The following NRXN1 variants were observed in gnomAD, a reference collection of about 807,000 sequenced individuals.
NRXN1 encodes the protein neurexin 1.
A neutral mutation model predicts 150.9 loss-of-function variants in NRXN1; 39 were observed. The ratio of observed to expected loss-of-function variants is 0.26; its 90% CI spans 0.20 to 0.34. NRXN1 has a LOEUF of 0.34. NRXN1 is among the 10% of genes least tolerant of loss of function. The pLI, the probability that NRXN1 is intolerant of heterozygous loss-of-function variation, is 1.00. For missense variants in NRXN1, 1,815 were observed against 1,949.9 expected, an observed-to-expected ratio of 0.93 and a Z score of 1.30; for synonymous variants, 924 against 757.0, an observed-to-expected ratio of 1.22 and a Z score of -3.62.
chr2:50,361,363 T>C (rs2153010147), intron 17 of NRXN1, among the ~76,000 whole-genome samples: 1 of 152,014 alleles, frequency 6.6e-6, no homozygotes, highest in East Asian at 1.9e-4. Flanking sequence ...GATAGACCAC[T>C]AGCCAGACTA....
chr2:50,318,882 G>C (rs1040891500), intron 17 of NRXN1, among the ~76,000 whole-genome samples: 1 of 151,972 alleles, frequency 6.6e-6, no homozygotes, highest in Non-Finnish European at 1.5e-5. Flanking sequence ...TCATGTGCTG[G>C]CCACAAAGTT....
At chr2:50,010,742 G>T (rs958376190) in intron 21 of NRXN1, among the ~76,000 whole-genome samples, 1 of 152,096 alleles carries the variant, frequency 6.6e-6, no homozygotes, top group African/African-American at 2.4e-5. Flanking sequence ...CATAACAAAA[G>T]AAATTCTCAA....
chr2:50,419,135 C>A (rs1015532207), intron 17 of NRXN1, among the ~76,000 whole-genome samples: 4 of 151,988 alleles, frequency 2.6e-5, no homozygotes, highest in Non-Finnish European at 5.9e-5. Flanking sequence ...CAGATGTTCC[C>A]ATTTGATCTG....
At chr2:50,520,221 G>A (rs2092748051) in intron 12 of NRXN1, among the ~76,000 whole-genome samples, 1 of 151,728 alleles carries the variant, frequency 6.6e-6, no homozygotes, top group Admixed American at 6.6e-5. Context: ...TACTATTTCT[G>A]ATTAGGAACA....
At chr2:50,373,328 T>C (rs1339659145) in intron 17 of NRXN1, among the ~76,000 whole-genome samples, 1 of 147,006 alleles carries the variant, frequency 6.8e-6, no homozygotes, top group Non-Finnish European at 1.5e-5. Flanking sequence ...ATTATTATTA[T>C]TATTTTGCCT....
chr2:50,967,121 C>T (rs1694231063), intron 2 of NRXN1, among the ~76,000 whole-genome samples: 1 of 151,970 alleles, frequency 6.6e-6, no homozygotes, highest in Middle Eastern at 3.4e-3. Context: ...TTAAATTTCT[C>T]CTCCATAATA....
Position 50,130,013 on chromosome 2 carries a change from T to C in NRXN1, c.3547-38519A>G, listed in dbSNP as rs189310868. 3.9e-5 allele frequency among the ~76,000 whole-genome samples: 6 copies of C among 152,232 alleles called. No homozygotes were observed. In the East Asian group the frequency reaches 1.2e-3, roughly 29 times the overall value. ...AACGCCAGACACTATGATCAGCACATGTTATCTCATTTTTTCTTCCATAAC... is the reference window on the plus strand; with the variant it reads ...AACGCCAGACACTATGATCAGCACACGTTATCTCATTTTTTCTTCCATAAC... On this transcript the variant is annotated intron_variant, in intron 18 of 22. Coordinates refer to ENST00000401669, the MANE Select transcript of NRXN1 (RefSeq NM_001330078.2).
chr2:50,914,445 C>T (rs1041571003), intron 5 of NRXN1, among the ~76,000 whole-genome samples: 1 of 151,640 alleles, frequency 6.6e-6, no homozygotes, highest in African/African-American at 2.4e-5. Flanking sequence ...GATCCTCTTC[C>T]TGTTACTTGT....
In NRXN1 at chr2:49,921,240, T is replaced by C. The variant is rs201584320; in HGVS notation, c.*704A>G. ...ATAAGCGTGCATGAAAATTTCCCAATGATTGCATCTATGCCCTCTTGTTTT... is the reference window on the plus strand; with the variant it reads ...ATAAGCGTGCATGAAAATTTCCCAACGATTGCATCTATGCCCTCTTGTTTT... On this transcript the variant is annotated 3_prime_UTR_variant, in exon 23 of 23. Transcript: ENST00000401669. 6 of 152,766 alleles carry C rather than the reference T, an allele frequency of 3.9e-5. No homozygotes were observed. The highest frequency in any genetic ancestry group is 3.4e-3 in the Middle Eastern group (1 of 294). The allele number at this position is 152,766 out of a possible 1,614,324, so 9.5% of individuals were successfully genotyped here.
intron 5 of NRXN1, among the ~76,000 whole-genome samples, chr2:50,814,253 T>C (rs1318873184): frequency 2.0e-5 from 3 of 152,142 alleles, no homozygotes; most frequent in Admixed American, 1.3e-4. Context: ...TGCCTTGTCC[T>C]CCCAAAGTGC....
rs143303773 is a variant in NRXN1 at position 50,289,655 on chromosome 2, T to C, written c.3365-52685A>G. Among the ~76,000 whole-genome samples, 103 of 152,306 alleles carry C rather than the reference T, an allele frequency of 6.8e-4. 2 individuals are homozygous for C. In the East Asian group the frequency reaches 0.011, roughly 16 times the overall value. On this transcript the variant is annotated intron_variant, in intron 17 of 22. Coordinates refer to ENST00000401669, the MANE Select transcript of NRXN1 (RefSeq NM_001330078.2). Reference sequence around the variant, plus strand: ...TGAATTTTCAGGTAGGCTTAATTAATCAAGGTCTTAAATTAAATTGAAGTA... The same window carrying C: ...TGAATTTTCAGGTAGGCTTAATTAACCAAGGTCTTAAATTAAATTGAAGTA...
At chr2:51,029,496 T>C (rs1341519392) in intron 1 of NRXN1, among the ~76,000 whole-genome samples, 2 of 152,246 alleles carry the variant, frequency 1.3e-5, no homozygotes, top group Non-Finnish European at 2.9e-5. Context: ...GATAGTTTAA[T>C]TTTTAAAATA....
chr2:50,587,469 A>G (rs953635033), intron 8 of NRXN1, among the ~76,000 whole-genome samples: 12 of 152,060 alleles, frequency 7.9e-5, no homozygotes, highest in African/African-American at 2.9e-4. Flanking sequence ...TGGGTGACAA[A>G]GCAAGACCCT....
intron 19 of NRXN1, among the ~76,000 whole-genome samples, chr2:50,061,662 A>C (rs898906200): frequency 6.6e-6 from 1 of 152,228 alleles, no homozygotes; most frequent in African/African-American, 2.4e-5. Flanking sequence ...CATGCTGAGC[A>C]AATAGGCTTG....
chr2:50,896,945 C>G (rs1255256915), intron 5 of NRXN1, among the ~76,000 whole-genome samples: 2 of 152,142 alleles, frequency 1.3e-5, no homozygotes, highest in Admixed American at 6.5e-5. Flanking sequence ...GGCACTACAG[C>G]CAGCGCCCTG....
chr2:49,993,722 G>C (rs1209729066), intron 21 of NRXN1, among the ~76,000 whole-genome samples: 1 of 152,036 alleles, frequency 6.6e-6, no homozygotes, highest in African/African-American at 2.4e-5. Context: ...ATTGTCTTTT[G>C]AGAAATTAAA....
intron 2 of NRXN1, among the ~76,000 whole-genome samples, chr2:50,995,370 G>T (rs1172513751): frequency 6.6e-6 from 1 of 151,932 alleles, no homozygotes; most frequent in East Asian, 1.9e-4. Flanking sequence ...GGCCGAGGTG[G>T]GTGGATCACC....
At chr2:50,315,190 A>G (rs1295018447) in intron 17 of NRXN1, among the ~76,000 whole-genome samples, 3 of 151,840 alleles carry the variant, frequency 2.0e-5, no homozygotes, top group African/African-American at 7.3e-5. Context: ...CCCCTGTTTT[A>G]GTATTTAAGT....
chr2:50,458,582 A>ATT (rs56386052), intron 17 of NRXN1, among the ~76,000 whole-genome samples: 5,525 of 146,698 alleles, frequency 0.038, 115 homozygotes, highest in African/African-American at 0.062. Context: ...TGTATTCATA[A>ATT]TTTTTTTTTT....
Sources: allele counts gnomAD v4.1 joint callset (sites outside exome capture counted in the v4.1 genomes callset), GRCh38; gene constraint gnomAD v4.1.1; transcripts MANE v1.5; gene names NCBI Gene and HGNC (gene_info 2026-07-23, HGNC 2026-07-21).